The following CPNE4 variants were observed in gnomAD, a reference collection of about 807,000 sequenced individuals.
CPNE4 encodes the protein copine-4.
In CPNE4, 25 loss-of-function variants were observed where a neutral mutation model predicts 67.9. That is an observed-to-expected ratio of 0.37 (90% CI 0.27 to 0.51). CPNE4 has a LOEUF of 0.51. CPNE4 is among the 20% of genes least tolerant of loss of function. The pLI is 0.93. For synonymous variants in CPNE4, 242 were observed against 244.9 expected, an observed-to-expected ratio of 0.99 and a Z score of 0.11; for missense variants, 464 against 690.8, an observed-to-expected ratio of 0.67 and a Z score of 3.68.
intron 1 of CPNE4, among the ~76,000 whole-genome samples, chr3:131,929,644 G>A (rs1419046024): frequency 6.6e-6 from 1 of 152,074 alleles, no homozygotes; most frequent in Non-Finnish European, 1.5e-5. Context: ...CCCAAATGCT[G>A]TTCTTTCGCA....
At position 131,708,995 on chromosome 3, in the gene CPNE4, T is replaced by TATATATATATATAC. The variant is rs1366246304; in HGVS notation, c.361-9016_361-9015insGTATATATATATAT. Among the ~76,000 whole-genome samples the TATATATATATATAC allele has an allele frequency of 1.9e-3, 208 of 109,050 alleles. 2 individuals carry two copies. Among genetic ancestry groups the TATATATATATATAC allele is most frequent in the South Asian group, 3.2e-3 (11 of 3,430 alleles). The allele number at this position is 109,050 out of a possible 152,430, so 71.5% of individuals were successfully genotyped here. The stretch of plus-strand genomic sequence containing the variant: ...ATATATATATATATATATATATATA[T>TATATATATATATAC]ACATACACACATAATAATATAATAC... On this transcript the variant is annotated intron_variant, in intron 3 of 15. Coordinates refer to ENST00000429747, the MANE Select transcript of CPNE4 (RefSeq NM_130808.3).
At chr3:131,850,527 C>T (rs754997177) in intron 2 of CPNE4, among the ~76,000 whole-genome samples, 1 of 152,118 alleles carries the variant, frequency 6.6e-6, no homozygotes, top group Non-Finnish European at 1.5e-5. Flanking sequence ...ATAAATGCTT[C>T]TTTTCAAGTG....
At chr3:131,696,328 G>A (rs1240002901) in intron 5 of CPNE4, among the ~76,000 whole-genome samples, 1 of 152,164 alleles carries the variant, frequency 6.6e-6, no homozygotes, top group Non-Finnish European at 1.5e-5. Context: ...CAGTCTTGGT[G>A]TCATAGAATT....
At chr3:131,628,755 A>ATT (rs143761671) in intron 7 of CPNE4, among the ~76,000 whole-genome samples, 1 of 138,758 alleles carries the variant, frequency 7.2e-6, no homozygotes, top group African/African-American at 2.7e-5. Flanking sequence ...CCCCTTTATC[A>ATT]TTTTTTATTG....
In CPNE4 at chr3:131,720,526, C is replaced by T. The variant is rs555735329; in HGVS notation, c.360+2920G>A. On this transcript the variant is annotated intron_variant, in intron 3 of 15. Transcript: ENST00000429747. ...GTCTCGATCTCCTGACCTTGTGATC[C>T]GCCTGCCTCGGCTTCCCAAAGTGCT... Among the ~76,000 whole-genome samples, 14 of 152,158 alleles carry T rather than the reference C, an allele frequency of 9.2e-5. No homozygotes were observed. The East Asian group carries it at 1.6e-3, about 17-fold the overall frequency.
intron 2 of CPNE4, among the ~76,000 whole-genome samples, chr3:131,753,678 CAA>C (rs1406215917): frequency 1.3e-5 from 2 of 152,040 alleles, no homozygotes; most frequent in Non-Finnish European, 2.9e-5. Flanking sequence ...TCAGAATGCT[CAA>C]AGTCAGTAAT....
In CPNE4 at chr3:131,534,475, G is replaced by A. The variant is rs1322480657; in HGVS notation, c.*720C>T. 3 of 152,164 alleles carry A rather than the reference G, an allele frequency of 2.0e-5. No homozygotes were observed. Among genetic ancestry groups the A allele is most frequent in the African/African-American group, 7.2e-5 (3 of 41,440 alleles). 9.4% of individuals were successfully genotyped at this position (152,164 alleles called of 1,614,324 possible). ...TCCAGGGACTGCATTAGCATCACCT[G>A]GGACCTAGTTAAAGATGCAGAATCT... On this transcript the variant is annotated 3_prime_UTR_variant, in exon 16 of 16. Coordinates refer to ENST00000429747, the MANE Select transcript of CPNE4 (RefSeq NM_130808.3).
intron 3 of CPNE4, among the ~76,000 whole-genome samples, chr3:131,713,701 A>T (rs2081614283): frequency 6.6e-6 from 1 of 152,170 alleles, no homozygotes; most frequent in African/African-American, 2.4e-5. Context: ...ACTAAAGGAG[A>T]TTTCAAAGTA....
intron 2 of CPNE4, among the ~76,000 whole-genome samples, chr3:131,838,558 A>C (rs2085645800): frequency 6.6e-6 from 1 of 151,846 alleles, no homozygotes. Context: ...ATAACATTAA[A>C]ATTTCAGATT....
intron 1 of CPNE4, among the ~76,000 whole-genome samples, chr3:131,911,546 TG>T (rs2088976282): frequency 7.5e-5 from 1 of 13,420 alleles, no homozygotes; most frequent in African/African-American, 2.3e-4. Flanking sequence ...CTCCAAGTTG[TG>T]TGTGTGTGTG....
chr3:131,553,520 C>T (rs934686232), intron 12 of CPNE4, among the ~76,000 whole-genome samples: 2 of 152,066 alleles, frequency 1.3e-5, no homozygotes, highest in African/African-American at 4.8e-5. Context: ...CATATCCCAG[C>T]TCCCTTATCC....
chr3:131,674,015 T>A (rs111456045), intron 6 of CPNE4, among the ~76,000 whole-genome samples: 3,001 of 152,064 alleles, frequency 0.02, 94 homozygotes, highest in African/African-American at 0.068. Context: ...CATTTTTTTT[T>A]ATCATGAAGG....
At chr3:132,025,820 A>C (rs2107695592) in intron 1 of CPNE4, among the ~76,000 whole-genome samples, 1 of 152,326 alleles carries the variant, frequency 6.6e-6, no homozygotes, top group East Asian at 1.9e-4. Context: ...TCCTGACTTA[A>C]AATTTATGCC....
At chr3:131,808,629 A>C (rs2084412495) in intron 2 of CPNE4, among the ~76,000 whole-genome samples, 1 of 152,224 alleles carries the variant, frequency 6.6e-6, no homozygotes, top group Non-Finnish European at 1.5e-5. Flanking sequence ...AGCTCATTAT[A>C]CAATCTTTAA....
chr3:131,722,072 G>GAGGA (rs2081901399), intron 3 of CPNE4, among the ~76,000 whole-genome samples: 3 of 152,180 alleles, frequency 2.0e-5, no homozygotes, highest in Admixed American at 1.3e-4. Flanking sequence ...AAGGGGAACA[G>GAGGA]AGGACACTGT....
At chr3:131,664,278 C>T (rs1243096335) in intron 7 of CPNE4, among the ~76,000 whole-genome samples, 1 of 152,164 alleles carries the variant, frequency 6.6e-6, no homozygotes, top group African/African-American at 2.4e-5. Flanking sequence ...TCTAAGAACA[C>T]TCTCTGGAAG....
chr3:131,832,196 G>A (rs2085400130), intron 2 of CPNE4, among the ~76,000 whole-genome samples: 2 of 152,116 alleles, frequency 1.3e-5, no homozygotes. Flanking sequence ...ATTATAGATT[G>A]ATTGTAAACT....
At chr3:131,862,704 T>TAG (rs1465552466) in intron 2 of CPNE4, among the ~76,000 whole-genome samples, 1 of 150,470 alleles carries the variant, frequency 6.6e-6, no homozygotes, top group African/African-American at 2.4e-5. Flanking sequence ...AGTTCTTATA[T>TAG]ATATATATAT....
chr3:131,972,758 C>T lies in CPNE4; in HGVS notation c.-2+61809G>A, dbSNP rs1037867611. The stretch of plus-strand genomic sequence containing the variant: ...CTCATCCTGCATTTGTTCTTCCCTC[C>T]CTAGCTGACCTCAGGCAAGCTACTC... On this transcript the variant is annotated intron_variant, in intron 1 of 15. Transcript: ENST00000429747. 6.6e-5 allele frequency among the ~76,000 whole-genome samples: 10 copies of T among 152,072 alleles called. 1 individual carries two copies. The highest frequency in any genetic ancestry group is 6.6e-4 in the Admixed American group (10 of 15,254).
Sources: allele counts gnomAD v4.1 joint callset (sites outside exome capture counted in the v4.1 genomes callset), GRCh38; gene constraint gnomAD v4.1.1; transcripts MANE v1.5; gene names NCBI Gene and HGNC (gene_info 2026-07-23, HGNC 2026-07-21).